KIAA1217: variants seen among roughly 807,000 people sequenced by gnomAD.
The protein encoded by KIAA1217 is sickle tail protein homolog.
A neutral mutation model predicts 163.9 loss-of-function variants in KIAA1217; 88 were observed. The observed-to-expected ratio is 0.54, with a 90% CI of 0.45 to 0.64. The LOEUF (loss-of-function observed/expected upper bound fraction) is 0.64, where lower values mean the gene tolerates loss of function less well. KIAA1217 is among the 30% of genes least tolerant of loss of function. The pLI is 0.00. For missense variants in KIAA1217, 2,372 were observed against 2,475.0 expected, an observed-to-expected ratio of 0.96 and a Z score of 0.88; for synonymous variants, 903 against 923.1, an observed-to-expected ratio of 0.98 and a Z score of 0.39.
intron 1 of KIAA1217, among the ~76,000 whole-genome samples, chr10:23,792,158 AC>A (rs1835978783): frequency 6.6e-6 from 1 of 152,236 alleles, no homozygotes; most frequent in African/African-American, 2.4e-5. Context: ...ACACTGGAGG[AC>A]AAAACAAACA....
At chr10:24,266,279 A>G (rs1404679087) in intron 2 of KIAA1217, among the ~76,000 whole-genome samples, 1 of 152,080 alleles carries the variant, frequency 6.6e-6, no homozygotes, top group African/African-American at 2.4e-5. Flanking sequence ...GGGTTTCACC[A>G]TGTTGACCAG....
chr10:24,284,454 T>G (rs2078322552), intron 2 of KIAA1217, among the ~76,000 whole-genome samples: 1 of 152,188 alleles, frequency 6.6e-6, no homozygotes, highest in African/African-American at 2.4e-5. Context: ...TATTAGCTCC[T>G]ACTTACAAGT....
At chr10:24,465,376 A>G (rs1333681323) in intron 5 of KIAA1217, among the ~76,000 whole-genome samples, 1 of 152,198 alleles carries the variant, frequency 6.6e-6, no homozygotes, top group Non-Finnish European at 1.5e-5. Flanking sequence ...GGCAGTAAAC[A>G]GTTTTTTTAG....
At chr10:23,715,517 C>T (rs944724742) in intron 1 of KIAA1217, among the ~76,000 whole-genome samples, 3 of 152,074 alleles carry the variant, frequency 2.0e-5, no homozygotes, top group African/African-American at 7.2e-5. Context: ...TATGATGAGA[C>T]CTCATGGTAA....
intron 2 of KIAA1217, among the ~76,000 whole-genome samples, chr10:24,293,553 T>C (rs377615309): frequency 2.0e-3 from 257 of 126,316 alleles, no homozygotes; most frequent in African/African-American, 6.6e-3. Context: ...GGGATGGCTG[T>C]TGGGCTTGGC....
rs549289988 is a variant in KIAA1217, at chr10:24,510,681, CAG to C, written c.2002-2577_2002-2576del. On this transcript the variant is annotated intron_variant, in intron 9 of 20. Coordinates refer to ENST00000376454, the MANE Select transcript of KIAA1217 (RefSeq NM_019590.5). The stretch of plus-strand genomic sequence containing the variant: ...GGCAGGAGCTCTGTGGGATTGGACA[CAG>C]GGACTGAAGTTGAGCAAATCATCTT... Among the ~76,000 whole-genome samples the C allele has an allele frequency of 4.4e-3, 669 of 152,258 alleles. 9 individuals are homozygous for C. The highest frequency in any genetic ancestry group is 0.015 in the African/African-American group (637 of 41,542).
At chr10:23,756,579 T>C (rs963627843) in intron 1 of KIAA1217, among the ~76,000 whole-genome samples, 2 of 152,226 alleles carry the variant, frequency 1.3e-5, no homozygotes, top group South Asian at 2.1e-4. Context: ...CAAAAACTTA[T>C]GGCATGTTAC....
chr10:23,731,794 TG>T (rs1838493335), intron 1 of KIAA1217, among the ~76,000 whole-genome samples: 1 of 152,176 alleles, frequency 6.6e-6, no homozygotes, highest in South Asian at 2.1e-4. Context: ...CTAAGATTTT[TG>T]TTTTTTAAAT....
rs1465263203 is a variant in KIAA1217 at position 23,934,593 on chromosome 10, A to G, written c.-320-72632A>G. ...TATATATATATATATATATATATGT[A>G]TATATATATATATGTATATATATAT... On this transcript the variant is annotated intron_variant, in intron 1 of 18. Transcript: ENST00000376462. Among the ~76,000 whole-genome samples the G allele has an allele frequency of 3.8e-3, 244 of 64,840 alleles. 22 individuals carry two copies. Among genetic ancestry groups the G allele is most frequent in the African/African-American group, 0.03 (183 of 6,014 alleles). The allele number at this position is 64,840 out of a possible 152,430, so 42.5% of individuals were successfully genotyped here.
chr10:24,303,017 C>G (rs1247284284), intron 2 of KIAA1217, among the ~76,000 whole-genome samples: 1 of 151,884 alleles, frequency 6.6e-6, no homozygotes, highest in African/African-American at 2.4e-5. Context: ...AAATCATTGG[C>G]TTTTTATTTT....
At position 23,790,394 on chromosome 10, in the gene KIAA1217, T is replaced by TATATACATATATAC. The variant is rs1379128328; in HGVS notation, c.-321+95180_-321+95193dup. 7.8e-5 allele frequency among the ~76,000 whole-genome samples: 8 copies of TATATACATATATAC among 102,380 alleles called. 1 individual carries two copies. The highest frequency in any genetic ancestry group is 1.6e-4 in the Non-Finnish European group (8 of 50,636). The allele number at this position is 102,380 out of a possible 152,430, so 67.2% of individuals were successfully genotyped here. A position where few individuals can be genotyped will look rare whatever the true frequency, so the allele number is the denominator to read the frequency against. ...ATACATATGTATATATACATATGTATATATACATATATACATATACATATA... is the reference window on the plus strand; with the variant it reads ...ATACATATGTATATATACATATGTATATATACATATATACATATACATATATACATATACATATA... On this transcript the variant is annotated intron_variant, in intron 1 of 18. Coordinates refer to the KIAA1217 transcript ENST00000376462.
At chr10:23,790,069 A>G (rs1229347957) in intron 1 of KIAA1217, among the ~76,000 whole-genome samples, 1 of 114,014 alleles carries the variant, frequency 8.8e-6, no homozygotes, top group South Asian at 2.7e-4. Context: ...ACACATATGC[A>G]TATACACATA....
At chr10:24,487,215 G>C (rs1176527722) in intron 6 of KIAA1217, among the ~76,000 whole-genome samples, 3 of 152,130 alleles carry the variant, frequency 2.0e-5, no homozygotes, top group African/African-American at 7.2e-5. Flanking sequence ...GCAGCCTATT[G>C]CTCCGTCTCC....
chr10:24,252,759 G>C (rs1011231527), intron 2 of KIAA1217, among the ~76,000 whole-genome samples: 1 of 152,104 alleles, frequency 6.6e-6, no homozygotes, highest in African/African-American at 2.4e-5. Context: ...GACACTCACT[G>C]CCTGCATAGA....
rs58161228 is a variant in KIAA1217, at chr10:24,422,901, C to CTTTTTTT, written c.554-10079_554-10073dup. Among the ~76,000 whole-genome samples the CTTTTTTT allele has an allele frequency of 3.2e-4, 39 of 120,592 alleles. 1 individual carries two copies. The highest frequency in any genetic ancestry group is 5.6e-4 in the African/African-American group (18 of 32,104). The allele number at this position is 120,592 out of a possible 152,430, so 79.1% of individuals were successfully genotyped here. ...CTCATATTACTTCCTATAGATTTAACTTTTTTTTTTTTTTTTTTTTTGAGA... is the reference window on the plus strand; with the variant it reads ...CTCATATTACTTCCTATAGATTTAACTTTTTTTTTTTTTTTTTTTTTTTTTTTTGAGA... On this transcript the variant is annotated intron_variant, in intron 3 of 20. Coordinates refer to ENST00000376454, the MANE Select transcript of KIAA1217 (RefSeq NM_019590.5).
chr10:23,854,934 A>G (rs527762124), intron 1 of KIAA1217, among the ~76,000 whole-genome samples: 1 of 152,274 alleles, frequency 6.6e-6, no homozygotes, highest in African/African-American at 2.4e-5. Flanking sequence ...GGTTTCCTGA[A>G]TACAGCACAC....
At chr10:24,384,832 A>T (rs979919924) in intron 3 of KIAA1217, among the ~76,000 whole-genome samples, 1 of 152,160 alleles carries the variant, frequency 6.6e-6, no homozygotes, top group African/African-American at 2.4e-5. Flanking sequence ...CACCACACCC[A>T]CCTGCTTTTT....
At chr10:24,179,279 A>G (rs1218617475) in intron 2 of KIAA1217, among the ~76,000 whole-genome samples, 2 of 152,136 alleles carry the variant, frequency 1.3e-5, no homozygotes. Context: ...AATCCCTAAT[A>G]TTGGAGGTAG....
At chr10:24,275,680 G>A (rs1172128630) in intron 2 of KIAA1217, 2 of 506,616 alleles carry the variant, frequency 3.9e-6, no homozygotes, top group Admixed American at 4.2e-5. Context: ...TTAAGATGCA[G>A]GCAAGATTGA....
Sources: allele counts gnomAD v4.1 joint callset (sites outside exome capture counted in the v4.1 genomes callset), GRCh38; gene constraint gnomAD v4.1.1; transcripts MANE v1.5; gene names NCBI Gene and HGNC (gene_info 2026-07-23, HGNC 2026-07-21).